The following FAM20C variants were observed in gnomAD, a reference collection of about 807,000 sequenced individuals.
The protein encoded by FAM20C is extracellular serine/threonine protein kinase FAM20C.
In FAM20C, 40 loss-of-function variants were observed where a neutral mutation model predicts 51.5. The ratio of observed to expected loss-of-function variants is 0.78; its 90% CI spans 0.60 to 1.01. FAM20C has a LOEUF of 1.01. FAM20C is among the 50% of genes least tolerant of loss of function. FAM20C has a pLI of 0.00. For synonymous variants in FAM20C, 406 were observed against 380.6 expected (o/e 1.07, Z -0.78); for missense variants, 861 against 844.7 (o/e 1.02, Z -0.24).
rs778899041 is a variant in FAM20C at position 208,916 on chromosome 7, C to T, written c.803C>T (p.Thr268Met). ...CCTGCAGCCATGAAGTCGGGGGGCA[C>T]GCAGCTGAAGCTCATCATGACCTTC... ...ITSVAMKSGG[T>M]QLKLIMTFQN... is the part of the protein sequence containing the mutation. Residue 268 changes from threonine to methionine, a missense_variant, in exon 3 of 10, where the codon ACG becomes ATG. By Grantham distance (81) the Thr-to-Met change is moderately conservative. Transcript: ENST00000313766. 1.6e-5 allele frequency: 25 copies of T among 1,579,368 alleles called. No homozygotes were observed. The highest frequency in any genetic ancestry group is 2.3e-5 in the South Asian group (2 of 85,844).
Position 208,877 on chromosome 7 carries a change from TTC to T in FAM20C, c.785-16_785-15del. 1 of 1,557,678 alleles carries T rather than the reference TTC, an allele frequency of 6.4e-7. No individual in the cohort carries two copies. The highest frequency in any genetic ancestry group is 8.7e-7 in the Non-Finnish European group (1 of 1,150,446). On this transcript the variant is annotated intron_variant, in intron 2 of 9. Transcript: ENST00000313766. The stretch of plus-strand genomic sequence containing the variant: ...GCGTGAGGCCAGAGAGTGACCCTGT[TTC>T]TCTCCCTCCTTCCTGCAGCCATGAA...
intron 3 of FAM20C, among the ~76,000 whole-genome samples, chr7:233,739 C>T (rs1044287600): frequency 0.11 from 16,677 of 152,228 alleles, 1,779 homozygotes; most frequent in African/African-American, 0.28. Flanking sequence ...CCTCCCGCCA[C>T]GCGAGGCAGC....
chr7:218,408 C>T (rs1180729092), intron 3 of FAM20C, among the ~76,000 whole-genome samples: 1 of 152,238 alleles, frequency 6.6e-6, no homozygotes, highest in African/African-American at 2.4e-5. Context: ...CTCAGTTCAC[C>T]CGCACTGACC....
intron 5 of FAM20C, among the ~76,000 whole-genome samples, chr7:248,858 T>A (rs1298615147): frequency 6.6e-6 from 1 of 151,224 alleles, no homozygotes; most frequent in African/African-American, 2.4e-5. Context: ...CCCGCATTCA[T>A]CTCTCCAGGT....
At chr7:227,801 T>G (rs910976110) in intron 3 of FAM20C, 1 of 152,488 alleles carries the variant, frequency 6.6e-6, no homozygotes, top group Non-Finnish European at 1.5e-5. Flanking sequence ...TGAAATAAAG[T>G]CTAAACCATC....
At chr7:223,699 C>T (rs758866101) in intron 3 of FAM20C, among the ~76,000 whole-genome samples, 6 of 152,236 alleles carry the variant, frequency 3.9e-5, no homozygotes, top group African/African-American at 4.8e-5. Flanking sequence ...GGGGCCCTTA[C>T]GCGGATGCCG....
rs1231546121 is a variant in FAM20C at position 243,175 on chromosome 7, G to A, written c.864-3240G>A. Among the ~76,000 whole-genome samples the A allele has an allele frequency of 5.9e-4, 6 of 10,136 alleles. No individual in the cohort carries two copies. In the African/African-American group the frequency reaches 6.0e-3, roughly 10 times the overall value. 6.6% of individuals were successfully genotyped at this position (10,136 alleles called of 152,430 possible). On this transcript the variant is annotated intron_variant, in intron 3 of 9. Transcript: ENST00000313766. ...CCACCCAAGAGACCTGTGCCACCCG[G>A]GAGACCTGTGCCACCCAAGAGACCT...
At chr7:206,859 G>T (rs111747377) in intron 2 of FAM20C, among the ~76,000 whole-genome samples, 52 of 50,600 alleles carry the variant, frequency 1.0e-3, no homozygotes, top group Non-Finnish European at 1.6e-3. Flanking sequence ...GTGAGGCGTC[G>T]GTCACGGTCC....
chr7:256,719 G>A lies in FAM20C; in HGVS notation c.1319G>A (p.Arg440His), dbSNP rs868457988. 43 of 1,536,084 alleles carry A rather than the reference G, an allele frequency of 2.8e-5. No individual in the cohort carries two copies. Among genetic ancestry groups the A allele is most frequent in the African/African-American group, 4.1e-5 (3 of 73,062 alleles). The change falls in exon 7 of 10, where the codon CGC (arginine) becomes CAC (histidine). Residue 440 changes from arginine to histidine, a missense_variant. Physicochemically the swap from Arg to His is conservative, Grantham distance 29. Around this residue, in one of 3 missense-constraint regions of FAM20C, gnomAD observed 269 missense variants for 283.8 expected, o/e 0.95. Coordinates refer to ENST00000313766, the MANE Select transcript of FAM20C (RefSeq NM_020223.4). ...KQTPPYDSSH[R>H]ILDVMDMTIF... Reference sequence around the variant, plus strand: ...ACACCGCCCTACGACAGCAGCCACCGCATCCTGGACGTCATGGACATGACG... The same window carrying A: ...ACACCGCCCTACGACAGCAGCCACCACATCCTGGACGTCATGGACATGACG...
Position 246,386 on chromosome 7 carries a change from C to A in FAM20C, c.864-29C>A, listed in dbSNP as rs774349876. On this transcript the variant is annotated intron_variant, in intron 3 of 9. Transcript: ENST00000313766. ...CCCTGGAGGCTTTCTCAGTGACAAA[C>A]CGTTTCTGTTTCTGTCTTGTTTTCT... is the stretch of plus-strand genomic sequence containing the variant. 15 of 1,525,304 alleles carry A rather than the reference C, an allele frequency of 9.8e-6. No homozygotes were observed. The Admixed American group carries it at 2.7e-4, about 28-fold the overall frequency. 94.5% of individuals were successfully genotyped at this position (1,525,304 alleles called of 1,614,324 possible). A position where few individuals can be genotyped will look rare whatever the true frequency, so the allele number is the denominator to read the frequency against.
At chr7:252,435 G>A (rs1457237991) in intron 5 of FAM20C, among the ~76,000 whole-genome samples, 1 of 151,528 alleles carries the variant, frequency 6.6e-6, no homozygotes, top group Admixed American at 6.6e-5. Context: ...CCCTGCTGGA[G>A]CCCAGAGCAC....
rs1583286869 is a variant in FAM20C at position 206,228 on chromosome 7, T to C, written c.785-2670T>C. 2.6e-5 allele frequency among the ~76,000 whole-genome samples: 4 copies of C among 152,292 alleles called. No homozygotes were observed. In the South Asian group the frequency reaches 8.3e-4, roughly 32 times the overall value. On this transcript the variant is annotated intron_variant, in intron 2 of 9. Coordinates refer to ENST00000313766, the MANE Select transcript of FAM20C (RefSeq NM_020223.4). ...CTCAGATATTTCTTGGATTTTTCCA[T>C]TTTTCCATCTTCCTCCAAACCACCA... is the stretch of plus-strand genomic sequence containing the variant.
chr7:232,780 G>A (rs1304884157), intron 3 of FAM20C, among the ~76,000 whole-genome samples: 2 of 152,226 alleles, frequency 1.3e-5, no homozygotes, highest in South Asian at 4.1e-4. Flanking sequence ...GGCCGTGCCG[G>A]GATCGTGTGC....
At chr7:194,844 C>A (rs889502732) in intron 1 of FAM20C, among the ~76,000 whole-genome samples, 1 of 150,698 alleles carries the variant, frequency 6.6e-6, no homozygotes, top group South Asian at 2.1e-4. Flanking sequence ...TAGGTGAATT[C>A]GAGCTAGGAC....
chr7:255,535 C>T (rs1267266948), intron 5 of FAM20C, among the ~76,000 whole-genome samples: 1 of 152,174 alleles, frequency 6.6e-6, no homozygotes, highest in Admixed American at 6.5e-5. Context: ...TCTTCACTTT[C>T]TTGACAATAT....
At chr7:254,511 G>A (rs907643633) in intron 5 of FAM20C, among the ~76,000 whole-genome samples, 6 of 152,224 alleles carry the variant, frequency 3.9e-5, no homozygotes, top group Non-Finnish European at 5.9e-5. Flanking sequence ...TAGCGCCGTC[G>A]GCCGGGCCTC....
chr7:252,382 C>A (rs1788434756), intron 5 of FAM20C, among the ~76,000 whole-genome samples: 1 of 148,770 alleles, frequency 6.7e-6, no homozygotes, highest in Non-Finnish European at 1.5e-5. Context: ...ACTGTAGACA[C>A]CCCCTCGGCC....
At chr7:213,484 C>T (rs927049241) in intron 3 of FAM20C, among the ~76,000 whole-genome samples, 3 of 152,230 alleles carry the variant, frequency 2.0e-5, no homozygotes, top group Non-Finnish European at 2.9e-5. Context: ...TTCCAACGCT[C>T]ATCGGTGCTG....
intron 3 of FAM20C, among the ~76,000 whole-genome samples, chr7:231,628 C>A (rs1237025901): frequency 6.6e-6 from 1 of 152,112 alleles, no homozygotes; most frequent in Non-Finnish European, 1.5e-5. Flanking sequence ...CAAGTGTGGT[C>A]AGGAGGCTGC....
Sources: gnomAD v4.1 joint callset for allele counts (sites outside exome capture counted in the v4.1 genomes callset) on GRCh38, gnomAD v4.1.1 for gene constraint, gnomAD v4.1.1 regional missense constraint, MANE v1.5 for transcripts, NCBI Gene and HGNC (gene_info 2026-07-23, HGNC 2026-07-21) for gene names.